The following NEBL variants were observed in gnomAD, a reference collection of about 807,000 sequenced individuals.
NEBL encodes the protein nebulette.
In NEBL, 122 loss-of-function variants were observed where a neutral mutation model predicts 140.2. The observed-to-expected ratio is 0.87, with a 90% CI of 0.75 to 1.01. The LOEUF (loss-of-function observed/expected upper bound fraction) is 1.01, where lower values mean the gene tolerates loss of function less well. Among genes scored for constraint, NEBL ranks in the 50% least tolerant of loss-of-function variants. NEBL has a pLI of 0.00. For missense variants in NEBL, 1,365 were observed against 1,231.3 expected, an observed-to-expected ratio of 1.11 and a Z score of -1.62; for synonymous variants, 436 against 398.9, an observed-to-expected ratio of 1.09 and a Z score of -1.11.
At chr10:21,169,177 G>A (rs1276839664) in intron 2 of NEBL, among the ~76,000 whole-genome samples, 3 of 144,574 alleles carry the variant, frequency 2.1e-5, no homozygotes, top group Non-Finnish European at 4.5e-5. Flanking sequence ...CTGAATGTCG[G>A]TGGAGGGGAT....
At chr10:21,059,482 T>C (rs1027054060) in intron 2 of NEBL, among the ~76,000 whole-genome samples, 1 of 152,228 alleles carries the variant, frequency 6.6e-6, no homozygotes, top group African/African-American at 2.4e-5. Context: ...TTCAAATACT[T>C]TGTGACTACT....
intron 2 of NEBL, among the ~76,000 whole-genome samples, chr10:21,103,428 T>G (rs1252322031): frequency 6.6e-6 from 1 of 152,162 alleles, no homozygotes; most frequent in Non-Finnish European, 1.5e-5. Context: ...TTAGCCAGTA[T>G]GGTCTCCATC....
intron 4 of NEBL, among the ~76,000 whole-genome samples, chr10:20,939,757 A>G (rs1834739922): frequency 6.6e-6 from 1 of 152,206 alleles, no homozygotes; most frequent in Admixed American, 6.5e-5. Flanking sequence ...AAGCAAATGG[A>G]AAATATAAAA....
chr10:21,283,135 C>CAA (rs35005779), intron 1 of NEBL, among the ~76,000 whole-genome samples: 207 of 121,420 alleles, frequency 1.7e-3, no homozygotes, highest in Admixed American at 5.4e-3. Context: ...GACTGTGTCT[C>CAA]AAAAAAAAAA....
chr10:21,282,720 AGGCTGAGACCTACTG>A (rs1329945127), intron 1 of NEBL, among the ~76,000 whole-genome samples: 2 of 152,180 alleles, frequency 1.3e-5, no homozygotes, highest in Admixed American at 6.6e-5. Flanking sequence ...GGGTAAAATG[AGGCTGAGACCTACTG>A]GGCTGCATTC....
intron 2 of NEBL, chr10:21,248,238 T>A (rs76998587): frequency 6.8e-6 from 1 of 147,482 alleles, no homozygotes; most frequent in Admixed American, 6.9e-5. Flanking sequence ...GCCCTGCTAA[T>A]TTTTTTTTTC....
chr10:21,014,060 C>T (rs1838460231), intron 3 of NEBL, among the ~76,000 whole-genome samples: 1 of 152,154 alleles, frequency 6.6e-6, no homozygotes, highest in African/African-American at 2.4e-5. Flanking sequence ...TTAAAACATA[C>T]TTAAAATACA....
At chr10:21,128,181 G>T (rs988792189) in intron 2 of NEBL, among the ~76,000 whole-genome samples, 1 of 152,072 alleles carries the variant, frequency 6.6e-6, no homozygotes, top group African/African-American at 2.4e-5. Flanking sequence ...TTAAAAAAGA[G>T]CAACACCAAC....
intron 2 of NEBL, among the ~76,000 whole-genome samples, chr10:21,022,026 C>G (rs1838819021): frequency 6.6e-6 from 1 of 152,184 alleles, no homozygotes; most frequent in South Asian, 2.1e-4. Flanking sequence ...GATGACTCCC[C>G]TGGTGGTGAG....
intron 3 of NEBL, among the ~76,000 whole-genome samples, chr10:21,210,331 T>C (rs1841895830): frequency 6.6e-6 from 1 of 152,116 alleles, no homozygotes; most frequent in African/African-American, 2.4e-5. Context: ...GAGACGGAAG[T>C]TGCAGTAAGC....
At chr10:21,171,772 T>G (rs1001710098) in intron 2 of NEBL, 1 of 156,356 alleles carries the variant, frequency 6.4e-6, no homozygotes, top group African/African-American at 2.4e-5. Context: ...GCTTACCTTT[T>G]TTAATCCCCA....
chr10:21,151,744 T>C (rs1840146408), intron 2 of NEBL, among the ~76,000 whole-genome samples: 1 of 152,206 alleles, frequency 6.6e-6, no homozygotes, highest in Non-Finnish European at 1.5e-5. Flanking sequence ...TTCCCTTGCC[T>C]ATACCAGGTT....
chr10:20,844,657 G>A (rs4408230), intron 12 of NEBL, among the ~76,000 whole-genome samples: 62,476 of 151,582 alleles, frequency 0.41, 13,888 homozygotes, highest in African/African-American at 0.58. Flanking sequence ...AGAATAAAAT[G>A]AAAAGTGGAC....
In NEBL at chr10:21,288,804, A is replaced by G. The variant is rs150173446; in HGVS notation, n.182+4026T>C. On this transcript the variant is annotated intron_variant and non_coding_transcript_variant, in intron 1 of 8. Transcript: ENST00000675702. ...AAGAAAATTATTACCATCTGACAAT[A>G]TATACGTGTGTGTGTGTATATATAT... Among the ~76,000 whole-genome samples the G allele has an allele frequency of 3.0e-3, 275 of 92,294 alleles. 20 individuals carry two copies. In the East Asian group the frequency reaches 0.09, roughly 30 times the overall value. 60.5% of individuals were successfully genotyped at this position (92,294 alleles called of 152,430 possible). A position where few individuals can be genotyped will look rare whatever the true frequency, so the allele number is the denominator to read the frequency against.
intron 2 of NEBL, among the ~76,000 whole-genome samples, chr10:21,053,876 T>C (rs1589180470): frequency 6.6e-6 from 1 of 151,896 alleles, no homozygotes; most frequent in East Asian, 1.9e-4. Flanking sequence ...CTACCAAAAA[T>C]ACAAGAATTA....
At chr10:20,803,149 T>C (rs1449112638) in intron 26 of NEBL, among the ~76,000 whole-genome samples, 2 of 152,196 alleles carry the variant, frequency 1.3e-5, no homozygotes, top group African/African-American at 4.8e-5. Flanking sequence ...CATTTTATCA[T>C]GTAAATTACA....
intron 3 of NEBL, among the ~76,000 whole-genome samples, chr10:20,966,085 T>C (rs1348896632): frequency 6.6e-6 from 1 of 152,246 alleles, no homozygotes; most frequent in East Asian, 1.9e-4. Flanking sequence ...ATTCATGTAA[T>C]AGGCAACTTG....
At chr10:21,268,015 G>A (rs1399260666) in intron 1 of NEBL, among the ~76,000 whole-genome samples, 6 of 152,164 alleles carry the variant, frequency 3.9e-5, no homozygotes, top group Admixed American at 3.9e-4. Flanking sequence ...TGTGCAACAT[G>A]AACACCGATG....
At chr10:21,123,347 T>G (rs1018217801) in intron 2 of NEBL, among the ~76,000 whole-genome samples, 3 of 152,204 alleles carry the variant, frequency 2.0e-5, no homozygotes, top group Non-Finnish European at 4.4e-5. Context: ...GCAAATAGAC[T>G]AAACTACTTA....
Sources: gnomAD v4.1 joint callset for allele counts (sites outside exome capture counted in the v4.1 genomes callset) on GRCh38, gnomAD v4.1.1 for gene constraint, MANE v1.5 for transcripts, NCBI Gene and HGNC (gene_info 2026-07-23, HGNC 2026-07-21) for gene names.